AGBL1: variants seen among roughly 807,000 people sequenced by gnomAD.
AGBL1 encodes the protein cytosolic carboxypeptidase 4.
A neutral mutation model predicts 118.9 loss-of-function variants in AGBL1; 130 were observed. That is an observed-to-expected ratio of 1.09 (90% CI 0.95 to 1.26). The LOEUF (loss-of-function observed/expected upper bound fraction) is 1.26. Ranked by LOEUF, AGBL1 falls within the 50% of genes most tolerant of loss-of-function variation. The pLI is 0.00. For missense variants in AGBL1, 1,584 were observed against 1,298.1 expected, an observed-to-expected ratio of 1.22 and a Z score of -3.38; for synonymous variants, 555 against 478.9, an observed-to-expected ratio of 1.16 and a Z score of -2.08.
At chr15:86,653,642 A>G (rs1418949210) in intron 21 of AGBL1, among the ~76,000 whole-genome samples, 1 of 152,078 alleles carries the variant, frequency 6.6e-6, no homozygotes, top group African/African-American at 2.4e-5. Context: ...CACCCTACCT[A>G]TGCCATCCCC....
At chr15:86,412,664 T>C (rs2081639266) in intron 18 of AGBL1, among the ~76,000 whole-genome samples, 1 of 152,168 alleles carries the variant, frequency 6.6e-6, no homozygotes, top group African/African-American at 2.4e-5. Context: ...CATGTGCCCT[T>C]CTAAGTTGCT....
chr15:86,747,043 G>C (rs992896274), intron 22 of AGBL1, among the ~76,000 whole-genome samples: 29 of 152,028 alleles, frequency 1.9e-4, no homozygotes, highest in Admixed American at 6.6e-5. Flanking sequence ...GAAGTGAATA[G>C]GGATGATACC....
chr15:86,877,090 A>T (rs2079820723), intron 22 of AGBL1, among the ~76,000 whole-genome samples: 1 of 152,162 alleles, frequency 6.6e-6, no homozygotes, highest in Admixed American at 6.5e-5. Context: ...TCCATATAAG[A>T]TAGGGTATAT....
chr15:86,791,937 T>C (rs907013901), intron 22 of AGBL1, among the ~76,000 whole-genome samples: 1 of 152,072 alleles, frequency 6.6e-6, no homozygotes, highest in Non-Finnish European at 1.5e-5. Context: ...GGTTTTGCCA[T>C]GTTGGCCAGG....
At chr15:86,306,568 G>A (rs528626999) in intron 17 of AGBL1, among the ~76,000 whole-genome samples, 1 of 152,172 alleles carries the variant, frequency 6.6e-6, no homozygotes, top group South Asian at 2.1e-4. Flanking sequence ...CATGTGTTGA[G>A]GGACACTTAG....
At chr15:86,099,728 T>G (rs1896598928) in intron 1 of AGBL1, among the ~76,000 whole-genome samples, 1 of 152,164 alleles carries the variant, frequency 6.6e-6, no homozygotes, top group Middle Eastern at 3.2e-3. Flanking sequence ...CAGGCTGGTC[T>G]TGAACTCCTG....
At chr15:86,142,263 A>T (rs1567081704) in intron 2 of AGBL1, among the ~76,000 whole-genome samples, 196 bp downstream of exon 2, 1 of 152,312 alleles carries the variant, frequency 6.6e-6, no homozygotes, top group East Asian at 1.9e-4. Context: ...TGCACTCCTC[A>T]GTCTTCTCAC....
chr15:86,165,129 G>A (rs547795781), intron 5 of AGBL1, among the ~76,000 whole-genome samples: 1 of 152,268 alleles, frequency 6.6e-6, no homozygotes, highest in African/African-American at 2.4e-5. Context: ...GATATGTTTG[G>A]TCTTCAAGCA....
chr15:86,985,218 G>A (rs886514576), intron 23 of AGBL1, among the ~76,000 whole-genome samples: 1 of 152,122 alleles, frequency 6.6e-6, no homozygotes, highest in Non-Finnish European at 1.5e-5. Flanking sequence ...ACAATGCTTT[G>A]TGTAGGCATC....
chr15:86,527,452 G>A, intron 19 of AGBL1, among the ~76,000 whole-genome samples: 1 of 152,180 alleles, frequency 6.6e-6, no homozygotes, highest in East Asian at 1.9e-4. Flanking sequence ...AAACAGCTGA[G>A]CACTAAATGC....
intron 18 of AGBL1, among the ~76,000 whole-genome samples, chr15:86,516,770 T>G (rs2346738): frequency 0.61 from 90,267 of 148,804 alleles, 27,774 homozygotes; most frequent in East Asian, 0.78. Flanking sequence ...TCTAGCCTGG[T>G]TGACAAGAGT....
intron 16 of AGBL1, among the ~76,000 whole-genome samples, chr15:86,292,118 G>A (rs1252013648): frequency 1.3e-5 from 2 of 152,206 alleles, no homozygotes; most frequent in East Asian, 3.9e-4. Context: ...ATCCTGTGAA[G>A]ATGTTACTTT....
At chr15:86,761,673 G>T (rs1426179289) in intron 22 of AGBL1, among the ~76,000 whole-genome samples, 7 of 151,952 alleles carry the variant, frequency 4.6e-5, no homozygotes, top group Admixed American at 1.3e-4. Flanking sequence ...TTTTTAATGG[G>T]GTTGTTTCGT....
At chr15:86,579,258 G>T (rs982446240) in intron 21 of AGBL1, among the ~76,000 whole-genome samples, 4 of 152,026 alleles carry the variant, frequency 2.6e-5, no homozygotes, top group African/African-American at 9.7e-5. Flanking sequence ...TGGAATCCTG[G>T]GCAAAATCTC....
intron 5 of AGBL1, among the ~76,000 whole-genome samples, chr15:86,183,327 T>C (rs963883728): frequency 8.5e-5 from 13 of 152,212 alleles, no homozygotes; most frequent in African/African-American, 3.1e-4. Context: ...CCATAGAATC[T>C]TTAAATGCCT....
chr15:86,527,234 A>G (rs1392372533), intron 19 of AGBL1, among the ~76,000 whole-genome samples: 1 of 152,242 alleles, frequency 6.6e-6, no homozygotes, highest in Non-Finnish European at 1.5e-5. Context: ...AAATCCCTAT[A>G]TAATACACAT....
intron 22 of AGBL1, among the ~76,000 whole-genome samples, chr15:86,691,201 C>T (rs2086162889): frequency 6.6e-6 from 1 of 152,010 alleles, no homozygotes; most frequent in South Asian, 2.1e-4. Context: ...CCTTATAAGG[C>T]AAATGAACAT....
intron 18 of AGBL1, among the ~76,000 whole-genome samples, chr15:86,504,773 TA>T (rs985725722): frequency 4.0e-5 from 6 of 151,740 alleles, no homozygotes; most frequent in Non-Finnish European, 7.4e-5. Flanking sequence ...AATTACAGGT[TA>T]TGCCATTGTT....
chr15:86,415,910 A>C (rs551238496), intron 18 of AGBL1, among the ~76,000 whole-genome samples: 1 of 152,336 alleles, frequency 6.6e-6, no homozygotes, highest in South Asian at 2.1e-4. Context: ...AAACAAAGAG[A>C]ATATATCCTT....
Sources: gnomAD v4.1 joint callset for allele counts (sites outside exome capture counted in the v4.1 genomes callset) on GRCh38, gnomAD v4.1.1 for gene constraint, MANE v1.5 for transcripts, NCBI Gene and HGNC (gene_info 2026-07-23, HGNC 2026-07-21) for gene names.